Variants in ME3 observed in about 807,000 individuals in gnomAD.
ME3 encodes the protein NADP-dependent malic enzyme, mitochondrial.
ME3 carries 48 observed loss-of-function variants against 68.9 expected under a neutral mutation model. The ratio of observed to expected loss-of-function variants is 0.70; its 90% CI spans 0.55 to 0.89. ME3 has a LOEUF of 0.89. Among genes scored for constraint, ME3 ranks in the 40% least tolerant of loss-of-function variants. The probability of loss-of-function intolerance (pLI) is 0.00; values close to 1 mark genes in which losing one functional copy is unlikely to be tolerated. For synonymous variants in ME3, 320 were observed against 318.8 expected (o/e 1.00, Z -0.04); for missense variants, 675 against 797.4 (o/e 0.85, Z 1.85).
intron 2 of ME3, among the ~76,000 whole-genome samples, chr11:86,664,302 T>C (rs1946460430): frequency 6.6e-6 from 1 of 152,234 alleles, no homozygotes; most frequent in South Asian, 2.1e-4. Flanking sequence ...AATATTTATA[T>C]CTTTTTACAA....
Position 86,483,312 on chromosome 11 carries a change from G to A in ME3, c.809+4025C>T, listed in dbSNP as rs1196082717. Among the ~76,000 whole-genome samples, 4 of 152,308 alleles carry A rather than the reference G, an allele frequency of 2.6e-5. No individual in the cohort carries two copies. The South Asian group carries it at 6.2e-4, about 24-fold the overall frequency. On this transcript the variant is annotated intron_variant, in intron 7 of 14. Coordinates refer to ENST00000543262, the Ensembl canonical transcript of ME3. ...ACAGAGAATGAATGCTGGAGCAAGCGGGGTTGGCTCTGGAAGGACAGGGGC... is the reference window on the plus strand; with the variant it reads ...ACAGAGAATGAATGCTGGAGCAAGCAGGGTTGGCTCTGGAAGGACAGGGGC...
intron 8 of ME3, among the ~76,000 whole-genome samples, chr11:86,464,291 T>A (rs1038589174): frequency 6.6e-6 from 1 of 152,236 alleles, no homozygotes; most frequent in Non-Finnish European, 1.5e-5. Flanking sequence ...CTTTACAAAA[T>A]GCTAGGAACA....
intron 2 of ME3, among the ~76,000 whole-genome samples, chr11:86,603,527 G>A (rs1004408141): frequency 3.3e-5 from 5 of 152,216 alleles, no homozygotes; most frequent in African/African-American, 1.2e-4. Context: ...CCCTGTGGAA[G>A]ACAGTGTGGC....
chr11:86,526,367 C>T (rs141738921), intron 4 of ME3, among the ~76,000 whole-genome samples: 16,858 of 152,196 alleles, frequency 0.11, 995 homozygotes, highest in African/African-American at 0.14. Flanking sequence ...ACAAAGCAGC[C>T]GGGAAGCTCG....
At chr11:86,442,556 T>C (rs1420204980) in intron 14 of ME3, among the ~76,000 whole-genome samples, 1 of 152,136 alleles carries the variant, frequency 6.6e-6, no homozygotes, top group Non-Finnish European at 1.5e-5. Context: ...AATTCCCATA[T>C]TCTGGTCCAC....
At chr11:86,655,189 T>C (rs1945773611) in intron 2 of ME3, among the ~76,000 whole-genome samples, 1 of 152,206 alleles carries the variant, frequency 6.6e-6, no homozygotes. Flanking sequence ...AATTTATAGA[T>C]TCAATGCTAT....
intron 7 of ME3, among the ~76,000 whole-genome samples, chr11:86,469,850 G>GTT (rs113560700): frequency 7.0e-6 from 1 of 143,364 alleles, no homozygotes; most frequent in South Asian, 2.2e-4. Flanking sequence ...GTTTGATTTT[G>GTT]TTTTTTTTTT....
intron 2 of ME3, among the ~76,000 whole-genome samples, chr11:86,626,188 G>A (rs1009242440): frequency 6.6e-6 from 1 of 152,168 alleles, no homozygotes; most frequent in African/African-American, 2.4e-5. Context: ...CTGGAACCCT[G>A]TAAACCACAT....
intron 2 of ME3, among the ~76,000 whole-genome samples, chr11:86,621,053 G>A (rs1470291756): frequency 6.6e-6 from 1 of 152,160 alleles, no homozygotes; most frequent in East Asian, 1.9e-4. Context: ...AAATGATGTC[G>A]AGGGAACTCT....
At position 86,600,183 on chromosome 11, in the gene ME3, T is replaced by C. The variant is rs548674012; in HGVS notation, c.184-40360A>G. ...AAATTGGATAAAGAGTCAAGACCCA[T>C]CAGTGTGCTGTATTCAGGAAACCCA... On this transcript the variant is annotated intron_variant, in intron 2 of 14. Coordinates refer to ENST00000543262, the Ensembl canonical transcript of ME3. Among the ~76,000 whole-genome samples, 296 of 152,066 alleles carry C rather than the reference T, an allele frequency of 1.9e-3. 2 individuals carry two copies. Among genetic ancestry groups the C allele is most frequent in the Middle Eastern group, 6.8e-3 (2 of 292 alleles).
intron 2 of ME3, among the ~76,000 whole-genome samples, chr11:86,600,460 G>T (rs1960418042): frequency 6.6e-6 from 1 of 151,500 alleles, no homozygotes. Context: ...AGCAAGTCCT[G>T]AGTGACCTAC....
chr11:86,503,595 G>C (rs971096483), intron 5 of ME3, among the ~76,000 whole-genome samples: 2 of 152,226 alleles, frequency 1.3e-5, no homozygotes, highest in Non-Finnish European at 2.9e-5. Context: ...ACTGACAAAA[G>C]AGCACTCCCT....
At chr11:86,655,274 G>T (rs892474945) in intron 2 of ME3, among the ~76,000 whole-genome samples, 4 of 152,210 alleles carry the variant, frequency 2.6e-5, no homozygotes, top group African/African-American at 7.2e-5. Context: ...AACCAAAAAA[G>T]AGCCTGCATC....
intron 4 of ME3, among the ~76,000 whole-genome samples, chr11:86,515,293 C>G (rs1235245502): frequency 3.3e-5 from 5 of 152,216 alleles, no homozygotes; most frequent in Non-Finnish European, 7.3e-5. Flanking sequence ...TCCAGGGACA[C>G]TGGCAGGCCC....
intron 4 of ME3, among the ~76,000 whole-genome samples, chr11:86,522,933 T>G (rs1410549448): frequency 6.6e-6 from 1 of 152,166 alleles, no homozygotes; most frequent in Non-Finnish European, 1.5e-5. Flanking sequence ...ATATCAGGGA[T>G]TTGAGCATCC....
At chr11:86,487,278 C>T in intron 7 of ME3, 59 bp downstream of exon 7, 1 of 1,416,334 alleles carries the variant, frequency 7.1e-7, no homozygotes, top group Non-Finnish European at 1.0e-6. Context: ...CCAGTGTTGA[C>T]TTTAGTCACG....
intron 2 of ME3, among the ~76,000 whole-genome samples, chr11:86,571,488 G>A (rs1031739062): frequency 6.6e-6 from 1 of 152,210 alleles, no homozygotes; most frequent in African/African-American, 2.4e-5. Context: ...TGTCCAATGT[G>A]GTAGCCACTT....
chr11:86,621,856 T>G (rs1943370523), intron 2 of ME3, among the ~76,000 whole-genome samples: 1 of 152,040 alleles, frequency 6.6e-6, no homozygotes, highest in African/African-American at 2.4e-5. Flanking sequence ...CACTTTTATA[T>G]AAATGAAAAT....
chr11:86,619,112 T>G (rs1400097107), intron 2 of ME3, among the ~76,000 whole-genome samples: 3 of 152,188 alleles, frequency 2.0e-5, no homozygotes, highest in African/African-American at 4.8e-5. Flanking sequence ...CCTTCCACCA[T>G]GAGTAAAAGC....
Sources: allele counts gnomAD v4.1 joint callset (sites outside exome capture counted in the v4.1 genomes callset), GRCh38; gene constraint gnomAD v4.1.1; transcripts MANE v1.5; gene names NCBI Gene and HGNC (gene_info 2026-07-23, HGNC 2026-07-21).